Variants in USP54 observed in about 807,000 individuals in gnomAD.
USP54 encodes ubiquitin carboxyl-terminal hydrolase 54.
In USP54, 87 loss-of-function variants were observed where a neutral mutation model predicts 170.5. The observed-to-expected ratio is 0.51, with a 90% confidence interval of 0.43 to 0.61. The LOEUF (loss-of-function observed/expected upper bound fraction) is 0.61. Ranked by LOEUF, USP54 falls within the 20% of genes least tolerant of loss-of-function variation. The pLI, the probability that USP54 is intolerant of heterozygous loss-of-function variation, is 0.00. For synonymous variants in USP54, 655 were observed against 742.8 expected, an observed-to-expected ratio of 0.88 and a Z score of 1.92; for missense variants, 1,786 against 2,047.8, an observed-to-expected ratio of 0.87 and a Z score of 2.47.
intron 1 of USP54, among the ~76,000 whole-genome samples, chr10:73,577,626 C>T (rs1454401068): frequency 6.6e-6 from 1 of 152,146 alleles, no homozygotes; most frequent in Non-Finnish European, 1.5e-5. Context: ...TTCCATTTTA[C>T]AGAAAAGTAA....
intron 1 of USP54, among the ~76,000 whole-genome samples, chr10:73,624,192 A>ATATATG (rs1452923663): frequency 9.2e-5 from 10 of 109,034 alleles, no homozygotes; most frequent in African/African-American, 2.6e-4. Context: ...ATATATATAT[A>ATATATG]TATGTATTTT....
At chr10:73,561,994 G>A (rs953503914) in intron 4 of USP54, among the ~76,000 whole-genome samples, 2 of 151,944 alleles carry the variant, frequency 1.3e-5, no homozygotes, top group Non-Finnish European at 2.9e-5. Flanking sequence ...CCAGCTATTC[G>A]GGAGGCTGAG....
At chr10:73,584,849 C>G (rs1383339627) in intron 1 of USP54, among the ~76,000 whole-genome samples, 1 of 152,090 alleles carries the variant, frequency 6.6e-6, no homozygotes, top group Non-Finnish European at 1.5e-5. Context: ...AAACAGAGGG[C>G]CTGGTGTGGA....
intron 20 of USP54, among the ~76,000 whole-genome samples, chr10:73,512,587 C>T (rs896673647): frequency 1.3e-5 from 2 of 151,902 alleles, no homozygotes; most frequent in Non-Finnish European, 2.9e-5. Flanking sequence ...GGCATGTGCT[C>T]ATAGCACACT....
At chr10:73,613,862 A>G (rs1486342634) in intron 1 of USP54, 1 of 151,998 alleles carries the variant, frequency 6.6e-6, no homozygotes, top group Non-Finnish European at 1.5e-5. Context: ...CCTAGGTGAC[A>G]GAGCAAGACT....
chr10:73,516,651 GC>G lies in USP54; in HGVS notation c.3774del (p.Leu1258PhefsTer7). The G allele has an allele frequency of 6.2e-7, 1 of 1,614,210 alleles. No individual in the cohort carries two copies. Among genetic ancestry groups the G allele is most frequent in the Non-Finnish European group, 8.5e-7 (1 of 1,180,032 alleles). ...GTGATATTCACCCAGGAATCCAAAGGCAAGGAAGTCCCCAAGTCAGTACTGC... is the reference window on the plus strand; with the variant it reads ...GTGATATTCACCCAGGAATCCAAAGGAAGGAAGTCCCCAAGTCAGTACTGC... ...LGSSTDLGTS[L>X]PLDSWVNITR... On this transcript the variant is annotated frameshift_variant, in exon 20 of 24. Transcript: ENST00000687698. LOFTEE classifies it high-confidence loss of function.
At chr10:73,620,877 C>T (rs1238355384) in intron 1 of USP54, among the ~76,000 whole-genome samples, 4 of 150,184 alleles carry the variant, frequency 2.7e-5, no homozygotes, top group Non-Finnish European at 2.9e-5. Context: ...ACAAACAGGT[C>T]GGATGCGGTG....
intron 4 of USP54, among the ~76,000 whole-genome samples, chr10:73,546,351 G>A (rs2067811982): frequency 2.0e-5 from 3 of 151,988 alleles, no homozygotes; most frequent in Admixed American, 2.0e-4. Flanking sequence ...TTTTGTGTGT[G>A]TTCTTGTTGT....
Position 73,516,370 on chromosome 10 carries a change from C to A in USP54, c.4051+5G>T. On this transcript the variant is annotated splice_donor_5th_base_variant and intron_variant, in intron 20 of 23. Coordinates refer to ENST00000687698, the MANE Select transcript of USP54 (RefSeq NM_001391956.1). ...CCTCCCCCCAACCCCTGGTTGCATT[C>A]TTACCTGTTTGGCTAAGTGGGTGCC... 1 of 1,599,296 alleles carries A rather than the reference C, an allele frequency of 6.3e-7. No homozygotes were observed. The highest frequency in any genetic ancestry group is 8.5e-7 in the Non-Finnish European group (1 of 1,173,022).
At chr10:73,505,469 C>T (rs1290367405) in intron 20 of USP54, 43 bp from the exon 21 acceptor site, 3 of 1,540,586 alleles carry the variant, frequency 1.9e-6, no homozygotes, top group Non-Finnish European at 2.7e-6. Context: ...CATCTCTTCC[C>T]CTAGGGCCTA....
chr10:73,616,335 CAAAAAAAAA>C lies in USP54; in HGVS notation c.-18+9223_-18+9231del, dbSNP rs60197778. 3.5e-4 allele frequency among the ~76,000 whole-genome samples: 9 copies of C among 25,772 alleles called. 1 individual carries two copies. The highest frequency in any genetic ancestry group is 1.2e-3 in the African/African-American group (7 of 5,630). The allele number at this position is 25,772 out of a possible 152,430, so 16.9% of individuals were successfully genotyped here. On this transcript the variant is annotated intron_variant, in intron 1 of 22. Transcript: ENST00000339859. Reference sequence around the variant, plus strand: ...CCTAGGCGACAGCAAGACTCCATCTCAAAAAAAAAAAAAAAAAAAAAAAAAAATCAAGTT... The same window carrying C: ...CCTAGGCGACAGCAAGACTCCATCTCAAAAAAAAAAAAAAAAAATCAAGTT...
intron 4 of USP54, among the ~76,000 whole-genome samples, chr10:73,561,053 C>CTG (rs2072830681): frequency 7.1e-6 from 1 of 140,578 alleles, no homozygotes; most frequent in African/African-American, 2.7e-5. Context: ...TGCAGTGAGC[C>CTG]GAGATCATGC....
chr10:73,530,855 G>T lies in USP54; in HGVS notation c.1316-20C>A, dbSNP rs764309548. 6.2e-7 allele frequency: 1 copy of T among 1,613,256 alleles called. No individual in the cohort carries two copies. The highest frequency in any genetic ancestry group is 8.5e-7 in the Non-Finnish European group (1 of 1,179,564). ...GGTGTCCTGAAAAAACAAGGAAATTGGGGTAAGCTGGTATCTGAGACTAAC... is the reference window on the plus strand; with the variant it reads ...GGTGTCCTGAAAAAACAAGGAAATTTGGGTAAGCTGGTATCTGAGACTAAC... On this transcript the variant is annotated intron_variant, in intron 12 of 23. Coordinates refer to ENST00000687698, the MANE Select transcript of USP54 (RefSeq NM_001391956.1).
In USP54 at chr10:73,526,706, A is replaced by G. The variant is rs556242805; in HGVS notation, c.2135T>C (p.Ile712Thr). The change falls in exon 16 of 24, where the codon ATC becomes ACC. Residue 712 changes from isoleucine (I) to threonine (T), a missense_variant. Coordinates refer to ENST00000687698, the MANE Select transcript of USP54 (RefSeq NM_001391956.1). ...RHIPKSHSSSILEVDSTASMG... is the reference protein window; with the variant it reads ...RHIPKSHSSSTLEVDSTASMG... ...GGATGCTGTGGAGTCTACCTCCAGG[A>G]TGCTACTGCTGTGCGACTTTGGGAT... is the stretch of plus-strand genomic sequence containing the variant. 47 of 1,614,174 alleles carry G rather than the reference A, an allele frequency of 2.9e-5. No homozygotes were observed. In the African/African-American group the frequency reaches 5.9e-4, roughly 20 times the overall value.
At chr10:73,526,604 G>A (rs371111590) in intron 16 of USP54, 43 bp downstream of exon 16, 8 of 1,608,736 alleles carry the variant, frequency 5.0e-6, no homozygotes, top group Non-Finnish European at 6.8e-6. Flanking sequence ...AGACAAAACT[G>A]CCGGTCAAAT....
At chr10:73,543,656 G>A (rs910304258) in intron 5 of USP54, among the ~76,000 whole-genome samples, 2 of 151,950 alleles carry the variant, frequency 1.3e-5, no homozygotes, top group Admixed American at 6.6e-5. Context: ...GTGAGCCACC[G>A]CACCCGGCAC....
At chr10:73,582,525 G>T (rs1300822123) in intron 1 of USP54, among the ~76,000 whole-genome samples, 1 of 152,112 alleles carries the variant, frequency 6.6e-6, no homozygotes, top group Non-Finnish European at 1.5e-5. Context: ...CCGAGTAGCT[G>T]GGATTACAGG....
Position 73,543,101 on chromosome 10 carries a change from T to G in USP54, c.406A>C (p.Ile136Leu). ...ATATCCTCTTTGGTTTCATCAGCAA[T>G]GTGGAAGTGAATTCTCATCAGGAGG... The part of the protein sequence containing the change: ...ENLLMRIHFH[I>L]ADETKEDICT... Residue 136 changes from isoleucine to leucine, a missense_variant, in exon 6 of 24, where the codon ATT (isoleucine) becomes CTT (leucine). Ile to Leu is a conservative substitution (Grantham distance 5). This residue lies in a region of USP54 where 361 missense variants were observed against 455.0 expected (regional missense o/e 0.79). Transcript: ENST00000687698. The G allele has an allele frequency of 6.2e-7, 1 of 1,614,094 alleles. No homozygotes were observed. Among genetic ancestry groups the G allele is most frequent in the South Asian group, 1.1e-5 (1 of 91,074 alleles).
chr10:73,539,027 T>C (rs1215904162), intron 10 of USP54, among the ~76,000 whole-genome samples: 1 of 151,994 alleles, frequency 6.6e-6, no homozygotes, highest in Non-Finnish European at 1.5e-5. Context: ...ATGCCTATAA[T>C]TCCAGCACTT....
Sources: gnomAD v4.1 joint callset for allele counts (sites outside exome capture counted in the v4.1 genomes callset) on GRCh38, gnomAD v4.1.1 for gene constraint, gnomAD v4.1.1 regional missense constraint, MANE v1.5 for transcripts, NCBI Gene and HGNC (gene_info 2026-07-23, HGNC 2026-07-21) for gene names.